Variants in ABHD2 observed in about 807,000 individuals in gnomAD.
The protein encoded by ABHD2 is monoacylglycerol lipase ABHD2.
A neutral mutation model predicts 48.1 loss-of-function variants in ABHD2; 20 were observed. The observed-to-expected ratio is 0.42, with a 90% CI of 0.29 to 0.60. The LOEUF is 0.60. Ranked by LOEUF, ABHD2 falls within the 20% of genes least tolerant of loss-of-function variation. ABHD2 has a pLI of 0.24. For synonymous variants in ABHD2, 209 were observed against 214.2 expected (o/e 0.98, Z 0.21); for missense variants, 405 against 550.9 (o/e 0.74, Z 2.65).
At chr15:89,051,434 A>G in the ABHD2 span, among the ~76,000 whole-genome samples, 14 of 152,298 alleles carry the variant, frequency 9.2e-5, no homozygotes, top group African/African-American at 3.4e-4. Context: ...GTAAAACAAG[A>G]TGAACACCGT....
chr15:89,083,569 T>C (rs1297590953), upstream of ABHD2, among the ~76,000 whole-genome samples: 1 of 152,224 alleles, frequency 6.6e-6, no homozygotes, highest in East Asian at 1.9e-4. This position sits in a 1 kb window ranked among gnomAD's most constrained non-coding sequence, Gnocchi z 5.1. Context: ...AATATTACCA[T>C]AAAATTTATC....
intron 5 of ABHD2, among the ~76,000 whole-genome samples, chr15:89,171,040 C>T (rs543613681): frequency 2.6e-4 from 39 of 152,088 alleles, no homozygotes; most frequent in East Asian, 1.7e-3. Context: ...CGTTTGAACC[C>T]GGGAGGCAGA....
At position 89,184,673 on chromosome 15, in the gene ABHD2, T is replaced by A. The variant is rs1403239802; in HGVS notation, c.723-751T>A. Among the ~76,000 whole-genome samples, 1 of 152,192 alleles carries A rather than the reference T, an allele frequency of 6.6e-6. No individual in the cohort carries two copies. Among genetic ancestry groups the A allele is most frequent in the Non-Finnish European group, 1.5e-5 (1 of 68,018 alleles). On this transcript the variant is annotated intron_variant, in intron 6 of 10. Coordinates refer to ENST00000352732, the MANE Select transcript of ABHD2 (RefSeq NM_152924.5). The surrounding 1 kb of genome is among the most constrained non-coding windows in gnomAD (Gnocchi z 5.1). ...GGTGGTGCTGTCTCCTCCCTCTGCA[T>A]GTGCTGCTGGCAGAACCTGGGCTCT...
chr15:89,149,356 A>G (rs1450939003), intron 3 of ABHD2, among the ~76,000 whole-genome samples: 1 of 152,218 alleles, frequency 6.6e-6, no homozygotes, highest in Admixed American at 6.5e-5. Flanking sequence ...ATTATGGCAC[A>G]TATTATTTTT....
At chr15:89,078,636 T>G in the ABHD2 span, among the ~76,000 whole-genome samples, 1 of 152,198 alleles carries the variant, frequency 6.6e-6, no homozygotes, top group Non-Finnish European at 1.5e-5. Flanking sequence ...GGAAATTTTT[T>G]GTGGGTCCCA....
chr15:89,185,630 G>T lies in ABHD2; in HGVS notation c.815+114G>T. On this transcript the variant is annotated intron_variant, in intron 7 of 10. Transcript: ENST00000352732. The surrounding 1 kb of genome is among the most constrained non-coding windows in gnomAD (Gnocchi z 5.9). ...TCAGGGGAAAAAAAAAAATGCAGGT[G>T]TGGTACAGACTCTCTGCTGCCTGCA... The T allele has an allele frequency of 1.1e-6, 1 of 930,936 alleles. No individual in the cohort carries two copies. The allele number at this position is 930,936 out of a possible 1,614,324, so 57.7% of individuals were successfully genotyped here.
the ABHD2 span, among the ~76,000 whole-genome samples, chr15:89,049,492 C>A: frequency 6.6e-6 from 1 of 152,228 alleles, no homozygotes. Context: ...CCCAGCCTCG[C>A]TGCCGCCTTG....
At chr15:89,113,558 G>A (rs2049909116) in intron 1 of ABHD2, among the ~76,000 whole-genome samples, 167 bp from the exon 2 acceptor site, 2 of 152,318 alleles carry the variant, frequency 1.3e-5, no homozygotes, top group South Asian at 4.1e-4. Flanking sequence ...CCTTCCCGCA[G>A]CAGGCTTGTT....
chr15:89,112,372 G>A (rs143840126), intron 1 of ABHD2, among the ~76,000 whole-genome samples: 1 of 152,258 alleles, frequency 6.6e-6, no homozygotes, highest in African/African-American at 2.4e-5. Flanking sequence ...TGCCCCATGG[G>A]CTGCCAGTTT....
the ABHD2 span, among the ~76,000 whole-genome samples, chr15:89,048,951 G>A: frequency 6.7e-6 from 1 of 149,330 alleles, no homozygotes; most frequent in South Asian, 2.1e-4. Flanking sequence ...TTTGGAGGAG[G>A]TGAGGCGCTC....
At chr15:89,108,797 A>C (rs1409992627) in intron 1 of ABHD2, among the ~76,000 whole-genome samples, 1 of 152,268 alleles carries the variant, frequency 6.6e-6, no homozygotes, top group Non-Finnish European at 1.5e-5. Context: ...TTAGTTCTTA[A>C]GAATTTTACT....
intron 3 of ABHD2, among the ~76,000 whole-genome samples, chr15:89,134,733 C>T (rs1351860540): frequency 1.3e-5 from 2 of 151,930 alleles, no homozygotes; most frequent in African/African-American, 4.8e-5. Flanking sequence ...TTTGTGATGC[C>T]AAGTTTTCCA....
chr15:89,103,199 C>T (rs375547738), intron 1 of ABHD2, among the ~76,000 whole-genome samples: 1 of 152,192 alleles, frequency 6.6e-6, no homozygotes, highest in Non-Finnish European at 1.5e-5. Context: ...TCATCCTCCT[C>T]ATGTGTTACA....
chr15:89,084,188 G>C (rs1209730534), upstream of ABHD2, among the ~76,000 whole-genome samples: 2 of 143,610 alleles, frequency 1.4e-5, no homozygotes, highest in African/African-American at 5.3e-5. This position sits in a 1 kb window ranked among gnomAD's most constrained non-coding sequence, Gnocchi z 4.4. Context: ...TCTCGCACCA[G>C]GTGGTGAGAT....
chr15:89,133,157 G>A (rs972927210), intron 3 of ABHD2, among the ~76,000 whole-genome samples: 3 of 152,088 alleles, frequency 2.0e-5, no homozygotes, highest in Admixed American at 1.3e-4. Flanking sequence ...GCTGTCAGTC[G>A]GCTCTTGTTT....
chr15:89,064,204 A>G, the ABHD2 span, among the ~76,000 whole-genome samples: 3 of 144,070 alleles, frequency 2.1e-5, no homozygotes, highest in Non-Finnish European at 3.0e-5. Flanking sequence ...ATGTATTTAT[A>G]TATAACATTG....
At position 89,102,869 on chromosome 15, in the gene ABHD2, C is replaced by G. The variant is rs1424481183; in HGVS notation, c.-106-10856C>G. 1.3e-5 allele frequency among the ~76,000 whole-genome samples: 2 copies of G among 152,234 alleles called. No homozygotes were observed. Among genetic ancestry groups the G allele is most frequent in the Non-Finnish European group, 2.9e-5 (2 of 68,046 alleles). ...ACAAAAACCCAAAGGAAGAAGGCTG[C>G]TGGTAGGCTAGGGGTGGCAGGTGGG... On this transcript the variant is annotated intron_variant, in intron 1 of 10. Transcript: ENST00000352732. The surrounding 1 kb of genome is among the most constrained non-coding windows in gnomAD (Gnocchi z 4.8).
intron 3 of ABHD2, among the ~76,000 whole-genome samples, chr15:89,129,803 A>G (rs905475567): frequency 2.6e-5 from 4 of 152,196 alleles, no homozygotes; most frequent in Non-Finnish European, 5.9e-5. Flanking sequence ...AAAAAAAAAA[A>G]AAGAACAGCA....
intron 3 of ABHD2, among the ~76,000 whole-genome samples, chr15:89,131,397 G>A (rs1444449564): frequency 3.3e-5 from 5 of 152,284 alleles, no homozygotes; most frequent in South Asian, 2.1e-4. Context: ...AATGCTTTCT[G>A]GACATTTATG....
Sources: allele counts gnomAD v4.1 joint callset (sites outside exome capture counted in the v4.1 genomes callset), GRCh38; gene constraint gnomAD v4.1.1; non-coding constraint Gnocchi (gnomAD v3.1); transcripts MANE v1.5; gene names NCBI Gene and HGNC (gene_info 2026-07-23, HGNC 2026-07-21).